The following ARSL variants were observed in gnomAD, a reference collection of about 807,000 sequenced individuals.
ARSL encodes arylsulfatase L.
ARSL carries 4 observed loss-of-function variants against 31.1 expected under a neutral mutation model. The observed-to-expected ratio is 0.13, with a 90% CI of 0.06 to 0.29. The LOEUF is 0.29. ARSL is among the 10% of genes least tolerant of loss of function. The pLI is 1.00. For synonymous variants in ARSL, 198 were observed against 209.9 expected (o/e 0.94, Z 0.49); for missense variants, 312 against 497.8 (o/e 0.63, Z 3.55).
intron 7 of ARSL, among the ~76,000 whole-genome samples, chrX:2,945,636 T>C (rs1274887395): frequency 1.8e-5 from 2 of 111,534 alleles, no homozygotes; most frequent in African/African-American, 6.5e-5. Flanking sequence ...TTATTCTGTC[T>C]CCCACATGGG....
At chrX:2,965,862 C>T (rs2089695394), upstream of ARSL, among the ~76,000 whole-genome samples, 1 of 112,459 alleles carries the variant, frequency 8.9e-6, no homozygotes, top group African/African-American at 3.2e-5. Context: ...GACTGTGCCG[C>T]TGCACTCCAG....
chrX:2,937,534 C>T (rs2089220309), intron 9 of ARSL, among the ~76,000 whole-genome samples: 1 of 111,364 alleles, frequency 9.0e-6, no homozygotes, highest in Non-Finnish European at 1.9e-5. Context: ...CTTAACAGGA[C>T]CCATTTAGGA....
chrX:2,945,285 G>C (rs766851433), intron 7 of ARSL, among the ~76,000 whole-genome samples: 1 of 111,583 alleles, frequency 9.0e-6, no homozygotes, highest in Non-Finnish European at 1.9e-5. Flanking sequence ...GGGAGGACAA[G>C]GGGGTTGGGT....
At chrX:2,959,959 G>T (rs2089584753) in intron 2 of ARSL, 2 of 207,330 alleles carry the variant, frequency 9.6e-6, no homozygotes, top group African/African-American at 3.1e-5. Context: ...AAGAAAGAAA[G>T]AAAGAAAGAG....
At chrX:2,968,073 A>G, upstream of ARSL, 2 of 1,111,714 alleles carry the variant, frequency 1.8e-6, no homozygotes, top group East Asian at 6.5e-5. Context: ...AGTTTAGCAT[A>G]AAAGAATATC....
intron 5 of ARSL, among the ~76,000 whole-genome samples, chrX:2,950,170 T>C (rs1314664852): frequency 9.0e-6 from 1 of 111,407 alleles, no homozygotes; most frequent in East Asian, 2.8e-4. Flanking sequence ...ATCTCCATGT[T>C]TCCATGGCGT....
chrX:2,961,141 G>A (rs773448003), intron 1 of ARSL, among the ~76,000 whole-genome samples: 32 of 111,387 alleles, frequency 2.9e-4, no homozygotes, highest in Non-Finnish European at 4.9e-4. Context: ...AGGTGCTGCC[G>A]GGAGAGGGGG....
At chrX:2,947,542 C>G (rs1008680014) in intron 6 of ARSL, among the ~76,000 whole-genome samples, 1 of 111,917 alleles carries the variant, frequency 8.9e-6, no homozygotes, top group Non-Finnish European at 1.9e-5. Flanking sequence ...CTTCACCCGG[C>G]CTTCATGGTC....
chrX:2,939,864 C>CTT (rs35373572), intron 8 of ARSL, among the ~76,000 whole-genome samples: 267 of 55,371 alleles, frequency 4.8e-3, no homozygotes, highest in African/African-American at 6.1e-3. Flanking sequence ...ACCCTTCTAC[C>CTT]TTTTTTTTTT....
intron 2 of ARSL, chrX:2,959,843 C>A: frequency 1.7e-6 from 1 of 594,652 alleles, no homozygotes; most frequent in Admixed American, 4.8e-5. Context: ...ATTGCCTGAG[C>A]CCAGGTGTTT....
chrX:2,956,625 C>A (rs1298533224), intron 3 of ARSL, among the ~76,000 whole-genome samples: 1 of 110,160 alleles, frequency 9.1e-6, no homozygotes, highest in Non-Finnish European at 1.9e-5. Flanking sequence ...CCATGCCCAG[C>A]TAATTTTTGT....
intron 8 of ARSL, 125 bp from the exon 9 acceptor site, chrX:2,938,382 C>CTT: frequency 1.8e-6 from 1 of 570,982 alleles, no homozygotes; most frequent in South Asian, 3.6e-5. Flanking sequence ...CTCTCAATTT[C>CTT]TCTCTCTCTC....
chrX:2,960,443 C>T (rs764016312), intron 1 of ARSL, 23 bp from the exon 2 acceptor site: 5 of 1,200,031 alleles, frequency 4.2e-6, no homozygotes, highest in South Asian at 1.8e-5. Context: ...AAGATGTCCA[C>T]AATCACATTG....
chrX:2,958,186 G>A, intron 3 of ARSL, 88 bp downstream of exon 3: 11 of 1,130,818 alleles, frequency 9.7e-6, no homozygotes, highest in Non-Finnish European at 1.3e-5. Flanking sequence ...GAACTGCCAA[G>A]ATCAAGGGTT....
At chrX:2,944,271 T>C (rs774473858) in intron 7 of ARSL, among the ~76,000 whole-genome samples, 32 of 108,891 alleles carry the variant, frequency 2.9e-4, no homozygotes, top group East Asian at 5.8e-4. Flanking sequence ...CTGGCCAACA[T>C]GGTGAAACCC....
At chrX:2,968,206 T>C, upstream of ARSL, 2 of 1,149,768 alleles carry the variant, frequency 1.7e-6, no homozygotes, top group East Asian at 6.5e-5. Flanking sequence ...GGCTGCTCCT[T>C]GGAAGAAACG....
At chrX:2,958,894 G>A (rs1269580338) in intron 2 of ARSL, among the ~76,000 whole-genome samples, 1 of 111,843 alleles carries the variant, frequency 8.9e-6, no homozygotes, top group Non-Finnish European at 1.9e-5. Context: ...GGCTGAGGTG[G>A]GAGGATCGCT....
At chrX:2,938,877 G>A (rs1461162046) in intron 8 of ARSL, among the ~76,000 whole-genome samples, 1 of 98,471 alleles carries the variant, frequency 1.0e-5, no homozygotes, top group African/African-American at 3.8e-5. Context: ...GAGGAGACAC[G>A]GACACAGAGA....
Position 2,936,867 on chromosome X carries a change from C to T in ARSL, c.1290-4G>A, listed in dbSNP as rs748824429. The T allele has an allele frequency of 8.3e-7, 1 of 1,211,513 alleles. No individual in the cohort carries two copies. The highest frequency in any genetic ancestry group is 1.1e-6 in the Non-Finnish European group (1 of 895,392). ...AAGGTCTTGGCCGTCAATCACTCTG[C>T]AGGAAGGAACATGGCATGGCTCAGG... On this transcript the variant is annotated splice_polypyrimidine_tract_variant and splice_region_variant and intron_variant, in intron 9 of 10. Transcript: ENST00000381134.
Sources: allele counts gnomAD v4.1 joint callset (sites outside exome capture counted in the v4.1 genomes callset), GRCh38; gene constraint gnomAD v4.1.1; transcripts MANE v1.5; gene names NCBI Gene and HGNC (gene_info 2026-07-23, HGNC 2026-07-21).